DGKI: variants seen among roughly 807,000 people sequenced by gnomAD.
DGKI encodes the protein DAG kinase iota.
DGKI carries 55 observed loss-of-function variants against 147.5 expected under a neutral mutation model. The observed-to-expected ratio is 0.37, with a 90% CI of 0.30 to 0.47. The LOEUF is 0.47. DGKI is among the 20% of genes least tolerant of loss of function. The pLI is 1.00. For synonymous variants in DGKI, 469 were observed against 477.1 expected (o/e 0.98, Z 0.22); for missense variants, 1,007 against 1,323.8 (o/e 0.76, Z 3.71).
In DGKI at chr7:137,528,227, G is replaced by C. The variant is rs141334460; in HGVS notation, c.2148-6261C>G. Among the ~76,000 whole-genome samples, 114 of 152,172 alleles carry C rather than the reference G, an allele frequency of 7.5e-4. 1 individual carries two copies. Among genetic ancestry groups the C allele is most frequent in the African/African-American group, 2.6e-3 (109 of 41,528 alleles). On this transcript the variant is annotated intron_variant, in intron 20 of 32. Coordinates refer to ENST00000614521, the MANE Select transcript of DGKI (RefSeq NM_001321708.2). ...TTTCTGTTCTTTGACCTCTGGATCA[G>C]GAAATAAATCCATGTTGAATTATGT...
At chr7:137,493,952 A>G in intron 21 of DGKI, 1 of 554,512 alleles carries the variant, frequency 1.8e-6, no homozygotes, top group Non-Finnish European at 3.2e-6. Flanking sequence ...GATACAGCAG[A>G]TGAAAGATGA....
At chr7:137,823,585 G>T (rs1797969274) in intron 1 of DGKI, among the ~76,000 whole-genome samples, 1 of 152,198 alleles carries the variant, frequency 6.6e-6, no homozygotes, top group South Asian at 2.1e-4. Context: ...TCTTAAAATT[G>T]TTTGTTCCAT....
chr7:137,547,187 A>T (rs1421670356), intron 20 of DGKI, among the ~76,000 whole-genome samples: 2 of 152,186 alleles, frequency 1.3e-5, no homozygotes, highest in African/African-American at 2.4e-5. Flanking sequence ...AAATCTGCTT[A>T]TTACTTTTTG....
chr7:137,501,006 CTCT>C (rs1386616498), intron 21 of DGKI, among the ~76,000 whole-genome samples: 1 of 152,120 alleles, frequency 6.6e-6, no homozygotes, highest in African/African-American at 2.4e-5. Flanking sequence ...TGACCAAACT[CTCT>C]TCACTTCCCC....
At chr7:137,628,674 C>T (rs1475084760) in intron 6 of DGKI, among the ~76,000 whole-genome samples, 1 of 152,150 alleles carries the variant, frequency 6.6e-6, no homozygotes, top group Non-Finnish European at 1.5e-5. Context: ...AGGCCAGATG[C>T]TTTGGATCCA....
intron 19 of DGKI, among the ~76,000 whole-genome samples, chr7:137,562,737 C>A (rs1423826136): frequency 6.6e-6 from 1 of 152,044 alleles, no homozygotes; most frequent in Non-Finnish European, 1.5e-5. Context: ...ATAAAGTTGA[C>A]TCAAGAAGAA....
intron 1 of DGKI, among the ~76,000 whole-genome samples, chr7:137,787,638 T>C (rs1420454464): frequency 1.3e-5 from 2 of 152,150 alleles, no homozygotes; most frequent in Non-Finnish European, 2.9e-5. Flanking sequence ...GAAGTCATTA[T>C]ATGAAAAAGA....
rs546729493 is a variant in DGKI at position 137,806,265 on chromosome 7, C to A, written c.401+40197G>T. Among the ~76,000 whole-genome samples the A allele has an allele frequency of 3.3e-5, 5 of 152,262 alleles. No homozygotes were observed. The South Asian group carries it at 1.0e-3, about 32-fold the overall frequency. ...GCATCTAAATCAGGTGTTGTTATTC[C>A]CCACTTTGCAAATGAAGAAACTGAG... On this transcript the variant is annotated intron_variant, in intron 1 of 32. Coordinates refer to ENST00000614521, the MANE Select transcript of DGKI (RefSeq NM_001321708.2).
chr7:137,655,836 G>A (rs1470211713), intron 4 of DGKI, among the ~76,000 whole-genome samples: 1 of 152,214 alleles, frequency 6.6e-6, no homozygotes, highest in Non-Finnish European at 1.5e-5. Flanking sequence ...AGTGGGAAGT[G>A]TGAAAGGAAA....
At chr7:137,391,420 A>C in intron 32 of DGKI, 84 bp from the exon 33 acceptor site, 1 of 953,006 alleles carries the variant, frequency 1.0e-6, no homozygotes, top group Non-Finnish European at 1.6e-6. Flanking sequence ...CAAAAAACAA[A>C]ACAAAACAAA....
intron 1 of DGKI, among the ~76,000 whole-genome samples, chr7:137,827,328 A>G (rs936193681): frequency 1.3e-5 from 2 of 152,174 alleles, no homozygotes; most frequent in African/African-American, 4.8e-5. Context: ...TGGCATTCAA[A>G]GTCCTCCATA....
At chr7:137,832,316 C>T (rs1286913576) in intron 1 of DGKI, among the ~76,000 whole-genome samples, 1 of 152,258 alleles carries the variant, frequency 6.6e-6, no homozygotes, top group Non-Finnish European at 1.5e-5. Flanking sequence ...GAGGGCCCTG[C>T]CCCTGTAGTG....
chr7:137,755,621 C>G (rs113719946), intron 1 of DGKI, among the ~76,000 whole-genome samples: 1,606 of 152,222 alleles, frequency 0.011, 28 homozygotes, highest in African/African-American at 0.036. Flanking sequence ...ACTGCCAATC[C>G]CCCAAGGGAA....
chr7:137,398,092 G>C (rs1811618663), intron 30 of DGKI, among the ~76,000 whole-genome samples: 1 of 152,156 alleles, frequency 6.6e-6, no homozygotes, highest in Non-Finnish European at 1.5e-5. Context: ...TCAGCCTATG[G>C]GTATCCAATG....
chr7:137,420,257 T>C (rs1812513742), intron 28 of DGKI, among the ~76,000 whole-genome samples: 1 of 152,106 alleles, frequency 6.6e-6, no homozygotes, highest in Non-Finnish European at 1.5e-5. Flanking sequence ...AATCCCAAGG[T>C]ATCATTCCTG....
intron 12 of DGKI, among the ~76,000 whole-genome samples, chr7:137,587,609 CCTCA>C (rs1223542791): frequency 6.6e-6 from 1 of 152,178 alleles, no homozygotes; most frequent in East Asian, 1.9e-4. Context: ...AATTATTTAA[CCTCA>C]CTGAGACTCA....
Position 137,585,193 on chromosome 7 carries a change from C to CA in DGKI, c.1563+15dup, listed in dbSNP as rs775904890. The CA allele has an allele frequency of 3.7e-6, 6 of 1,613,716 alleles. No individual in the cohort carries two copies. The highest frequency in any genetic ancestry group is 1.1e-5 in the South Asian group (1 of 91,024). ...TGCTCCAGGGCTCCTTTCTGCAGAA[C>CA]AAAAAACTCTCTAACCTTACATACG... is the stretch of plus-strand genomic sequence containing the variant. On this transcript the variant is annotated intron_variant, in intron 14 of 32. Transcript: ENST00000614521.
At chr7:137,727,424 T>C (rs979017955) in intron 1 of DGKI, among the ~76,000 whole-genome samples, 2 of 152,202 alleles carry the variant, frequency 1.3e-5, no homozygotes, top group Non-Finnish European at 2.9e-5. Context: ...CTTACTCCTT[T>C]TGCCCTTCTG....
chr7:137,534,596 T>C (rs1817455656), intron 20 of DGKI, among the ~76,000 whole-genome samples: 1 of 152,060 alleles, frequency 6.6e-6, no homozygotes, highest in African/African-American at 2.4e-5. Context: ...ATAATTAATA[T>C]GGAAAATCTG....
Sources: allele counts gnomAD v4.1 joint callset (sites outside exome capture counted in the v4.1 genomes callset), GRCh38; gene constraint gnomAD v4.1.1; transcripts MANE v1.5; gene names NCBI Gene and HGNC (gene_info 2026-07-23, HGNC 2026-07-21).